Variants in WWOX observed in about 807,000 individuals in gnomAD.
WWOX encodes the protein WW domain-containing oxidoreductase.
In WWOX, 69 loss-of-function variants were observed where a neutral mutation model predicts 46.2. The observed-to-expected ratio is 1.49, with a 90% CI of 1.23 to 1.82. WWOX has a LOEUF of 1.82. Ranked by LOEUF, WWOX falls within the 40% of genes most tolerant of loss-of-function variation. The pLI is 0.00. For synonymous variants in WWOX, 359 were observed against 202.6 expected (o/e 1.77, Z -6.56); for missense variants, 919 against 542.6 (o/e 1.69, Z -6.89).
chr16:78,860,607 G>T (rs1225225782), intron 8 of WWOX, among the ~76,000 whole-genome samples: 2 of 152,208 alleles, frequency 1.3e-5, no homozygotes, highest in African/African-American at 2.4e-5. Context: ...GATTATCGTG[G>T]AGAAGGTAAG....
At chr16:78,233,194 T>C (rs989871614) in intron 5 of WWOX, among the ~76,000 whole-genome samples, 1 of 152,172 alleles carries the variant, frequency 6.6e-6, no homozygotes, top group Non-Finnish European at 1.5e-5. Flanking sequence ...TCTGAAAAGA[T>C]TACTGACGAT....
At chr16:78,647,540 A>C (rs759568287) in intron 8 of WWOX, among the ~76,000 whole-genome samples, 4 of 152,160 alleles carry the variant, frequency 2.6e-5, no homozygotes, top group Non-Finnish European at 5.9e-5. Context: ...GCTAAGCCTA[A>C]TCTCCATCTT....
At chr16:78,761,013 A>G (rs1188010334) in intron 8 of WWOX, among the ~76,000 whole-genome samples, 4 of 151,834 alleles carry the variant, frequency 2.6e-5, no homozygotes, top group African/African-American at 9.7e-5. Context: ...CACAGGAAAG[A>G]CCCTCCCCCA....
chr16:78,708,107 C>T (rs2048362598), intron 8 of WWOX, among the ~76,000 whole-genome samples: 1 of 152,042 alleles, frequency 6.6e-6, no homozygotes, highest in African/African-American at 2.4e-5. Context: ...AGGAATATCA[C>T]CTGAGCCCAG....
At chr16:79,133,714 C>G (rs1268009482) in intron 8 of WWOX, among the ~76,000 whole-genome samples, 3 of 152,168 alleles carry the variant, frequency 2.0e-5, no homozygotes, top group Non-Finnish European at 2.9e-5. Context: ...TAAAAGCCAG[C>G]AAGTGTTCTA....
intron 8 of WWOX, among the ~76,000 whole-genome samples, chr16:78,758,750 A>G (rs1184597805): frequency 6.6e-6 from 1 of 152,046 alleles, no homozygotes; most frequent in Non-Finnish European, 1.5e-5. Flanking sequence ...ATTTATACTC[A>G]CTGGGGTGGT....
intron 5 of WWOX, among the ~76,000 whole-genome samples, chr16:78,192,446 C>A (rs1165137981): frequency 1.4e-5 from 2 of 145,314 alleles, no homozygotes; most frequent in Admixed American, 1.4e-4. Flanking sequence ...GAGCCGAGAT[C>A]GCACCACTGC....
chr16:78,825,467 G>T (rs765736100), intron 8 of WWOX: 6 of 435,302 alleles, frequency 1.4e-5, no homozygotes, highest in Non-Finnish European at 2.3e-5. Context: ...GGTGAGAACA[G>T]CCAGGGATTC....
intron 8 of WWOX, among the ~76,000 whole-genome samples, chr16:78,927,173 T>C (rs2045517575): frequency 6.6e-6 from 1 of 152,194 alleles, no homozygotes; most frequent in Non-Finnish European, 1.5e-5. Context: ...AAAATGGACC[T>C]TGTTTTGAGG....
intron 8 of WWOX, among the ~76,000 whole-genome samples, chr16:78,859,991 A>C (rs1359817333): frequency 6.6e-6 from 1 of 152,224 alleles, no homozygotes. Flanking sequence ...GCAAATAGCT[A>C]TAATGCCTTA....
chr16:79,007,021 G>C (rs967829286), intron 8 of WWOX, among the ~76,000 whole-genome samples: 3 of 152,112 alleles, frequency 2.0e-5, no homozygotes, highest in South Asian at 2.1e-4. Flanking sequence ...GTTCTGGTGA[G>C]TGGGATGGGG....
intron 8 of WWOX, among the ~76,000 whole-genome samples, chr16:79,110,273 G>A (rs1017576784): frequency 1.3e-5 from 2 of 152,094 alleles, no homozygotes; most frequent in Non-Finnish European, 2.9e-5. Context: ...AAATGAGAAT[G>A]CCCCTCCTAC....
intron 8 of WWOX, among the ~76,000 whole-genome samples, chr16:78,644,752 T>G (rs1158276646): frequency 6.6e-6 from 1 of 152,222 alleles, no homozygotes; most frequent in Non-Finnish European, 1.5e-5. Flanking sequence ...CGTGAGCCAC[T>G]GTGCCCAGCC....
At chr16:78,944,801 A>G (rs2045918725) in intron 8 of WWOX, among the ~76,000 whole-genome samples, 1 of 152,156 alleles carries the variant, frequency 6.6e-6, no homozygotes, top group East Asian at 1.9e-4. Context: ...GTGAAATTGG[A>G]GAGGTTCCTT....
intron 5 of WWOX, among the ~76,000 whole-genome samples, 157 bp from the exon 6 acceptor site, chr16:78,386,703 C>G (rs554880882): frequency 8.8e-5 from 13 of 148,092 alleles, no homozygotes; most frequent in South Asian, 2.1e-4. Context: ...AGTAAAAGCC[C>G]TGTTCTTCCA....
chr16:79,171,673 T>G lies in WWOX; in HGVS notation c.1057-39935T>G, dbSNP rs781299008. Among the ~76,000 whole-genome samples the G allele has an allele frequency of 7.9e-5, 12 of 152,356 alleles. 1 individual carries two copies. Among genetic ancestry groups the G allele is most frequent in the Middle Eastern group, 3.4e-3 (1 of 294 alleles). On this transcript the variant is annotated intron_variant, in intron 8 of 8. Transcript: ENST00000566780. ...TTCTTCACTGTGCATCATGGCCTTT[T>G]AATGCCATTTTGCTTTTTTATCATC...
chr16:78,917,536 G>A (rs1261981335), intron 8 of WWOX, among the ~76,000 whole-genome samples: 3 of 151,786 alleles, frequency 2.0e-5, no homozygotes. Flanking sequence ...AAAATGGTCT[G>A]TTGGAAATTA....
At chr16:78,435,651 A>T (rs1160622114) in intron 8 of WWOX, among the ~76,000 whole-genome samples, 1 of 152,138 alleles carries the variant, frequency 6.6e-6, no homozygotes, top group East Asian at 1.9e-4. Context: ...CTTGTAGTTG[A>T]GATGGGATTT....
intron 8 of WWOX, among the ~76,000 whole-genome samples, chr16:79,023,086 A>G (rs543744064): frequency 6.6e-5 from 10 of 152,272 alleles, no homozygotes; most frequent in Admixed American, 2.0e-4. Flanking sequence ...CAATATAGCA[A>G]CAGCAATCAT....
Sources: allele counts gnomAD v4.1 joint callset (sites outside exome capture counted in the v4.1 genomes callset), GRCh38; gene constraint gnomAD v4.1.1; transcripts MANE v1.5; gene names NCBI Gene and HGNC (gene_info 2026-07-23, HGNC 2026-07-21).